Variants in UBE2L3 observed in about 807,000 individuals in gnomAD.
UBE2L3 encodes the protein ubiquitin-conjugating enzyme E2 L3.
In UBE2L3, 1 loss-of-function variant was observed where a neutral mutation model predicts 17.8. The ratio of observed to expected loss-of-function variants is 0.06; its 90% confidence interval spans 0.02 to 0.27. The LOEUF (loss-of-function observed/expected upper bound fraction) is 0.27, where lower values mean the gene tolerates loss of function less well. Among genes scored for constraint, UBE2L3 ranks in the 10% least tolerant of loss-of-function variants. The pLI is 1.00. For synonymous variants in UBE2L3, 44 were observed against 68.5 expected (o/e 0.64, Z 1.76); for missense variants, 40 against 192.6 (o/e 0.21, Z 4.69).
intron 3 of UBE2L3, among the ~76,000 whole-genome samples, chr22:21,619,505 C>T (rs1359217376): frequency 6.6e-6 from 1 of 152,198 alleles, no homozygotes; most frequent in African/African-American, 2.4e-5. Flanking sequence ...CCCACTGCTT[C>T]ACCTCTACCC....
chr22:21,565,971 CTT>C (rs527289152), upstream of UBE2L3, among the ~76,000 whole-genome samples: 15 of 122,640 alleles, frequency 1.2e-4, no homozygotes, highest in Admixed American at 1.9e-4. Flanking sequence ...CAGAGTACTC[CTT>C]TTTTTTTTTT....
chr22:21,592,816 T>G (rs747545331), intron 1 of UBE2L3, 45 bp from the exon 2 acceptor site: 1 of 1,456,854 alleles, frequency 6.9e-7, no homozygotes, highest in Admixed American at 1.7e-5. Flanking sequence ...TAATATGTGG[T>G]GCTTTCCCCT....
At chr22:21,618,689 G>A (rs1017558792) in intron 3 of UBE2L3, among the ~76,000 whole-genome samples, 1 of 152,078 alleles carries the variant, frequency 6.6e-6, no homozygotes, top group Non-Finnish European at 1.5e-5. Context: ...GTGGGCTCAA[G>A]CAATCATCCC....
At chr22:21,589,342 T>G (rs1035671915) in intron 1 of UBE2L3, among the ~76,000 whole-genome samples, 4 of 151,088 alleles carry the variant, frequency 2.6e-5, no homozygotes, top group African/African-American at 7.3e-5. Context: ...AGAGACGGGG[T>G]TTCACCATGT....
intron 3 of UBE2L3, among the ~76,000 whole-genome samples, chr22:21,617,467 A>G (rs1416888995): frequency 6.6e-6 from 1 of 152,188 alleles, no homozygotes; most frequent in South Asian, 2.1e-4. Flanking sequence ...AGGTTTCACC[A>G]TATTGCCCAG....
At chr22:21,586,875 CTTTTT>C (rs34463645) in intron 1 of UBE2L3, among the ~76,000 whole-genome samples, 1,346 of 118,914 alleles carry the variant, frequency 0.011, 26 homozygotes, top group African/African-American at 0.04. Context: ...TGTGCCCGGC[CTTTTT>C]TTTTTTTTTT....
chr22:21,581,390 A>C (rs1404387097), intron 1 of UBE2L3, among the ~76,000 whole-genome samples: 2 of 151,972 alleles, frequency 1.3e-5, no homozygotes, highest in South Asian at 4.2e-4. Flanking sequence ...GGATCTTGCT[A>C]TGTTGCCTAG....
At chr22:21,596,087 G>C (rs982227678) in intron 2 of UBE2L3, among the ~76,000 whole-genome samples, 1 of 152,022 alleles carries the variant, frequency 6.6e-6, no homozygotes, top group African/African-American at 2.4e-5. Flanking sequence ...GATGGTCTCA[G>C]TCTCTTGACC....
chr22:21,585,763 G>C (rs1007683138), intron 1 of UBE2L3, among the ~76,000 whole-genome samples: 3 of 152,118 alleles, frequency 2.0e-5, no homozygotes, highest in African/African-American at 7.2e-5. Context: ...ATAGAGGGGG[G>C]AAGTCACCAG....
At chr22:21,580,820 T>C (rs1383579097) in intron 1 of UBE2L3, among the ~76,000 whole-genome samples, 2 of 151,364 alleles carry the variant, frequency 1.3e-5, no homozygotes, top group African/African-American at 4.9e-5. Flanking sequence ...CCTGACCTCA[T>C]ATGATCTGCC....
chr22:21,593,021 C>A, intron 2 of UBE2L3, 65 bp downstream of exon 2: 2 of 1,437,798 alleles, frequency 1.4e-6, no homozygotes, highest in Non-Finnish European at 9.8e-7. Flanking sequence ...TGCTGTTGGG[C>A]TTGTTTTTCT....
At chr22:21,619,298 G>C (rs1374907816) in intron 3 of UBE2L3, among the ~76,000 whole-genome samples, 1 of 152,150 alleles carries the variant, frequency 6.6e-6, no homozygotes, top group African/African-American at 2.4e-5. Context: ...AGAGGTACAG[G>C]TGGCTTGTAC....
intron 1 of UBE2L3, among the ~76,000 whole-genome samples, chr22:21,590,322 C>T (rs1218213399): frequency 6.6e-5 from 10 of 152,258 alleles, no homozygotes; most frequent in East Asian, 1.9e-4. Context: ...CTCAGCCTCC[C>T]GAGTAGCTGG....
At chr22:21,607,492 G>A (rs982949851) in intron 2 of UBE2L3, among the ~76,000 whole-genome samples, 1 of 150,200 alleles carries the variant, frequency 6.7e-6, no homozygotes, top group Non-Finnish European at 1.5e-5. Flanking sequence ...TCCAGCCTGG[G>A]CGACAGAGCG....
intron 2 of UBE2L3, among the ~76,000 whole-genome samples, chr22:21,603,303 G>A (rs1928961140): frequency 6.6e-6 from 1 of 151,972 alleles, no homozygotes; most frequent in Non-Finnish European, 1.5e-5. Context: ...CGAGGCAGGC[G>A]GATCACCTGA....
chr22:21,604,386 C>G lies in UBE2L3; in HGVS notation c.124-6471C>G, dbSNP rs566776440. 1.3e-4 allele frequency among the ~76,000 whole-genome samples: 20 copies of G among 152,262 alleles called. No homozygotes were observed. In the South Asian group the frequency reaches 4.1e-3, roughly 32 times the overall value. On this transcript the variant is annotated intron_variant, in intron 2 of 3. Coordinates refer to ENST00000342192, the MANE Select transcript of UBE2L3 (RefSeq NM_003347.4). ...TGGCAGCCTGCGCCTGTAATCCCAG[C>G]TACTTGGGAGGCTGAGAGACAGGAC... is the stretch of plus-strand genomic sequence containing the variant.
At chr22:21,604,045 G>A (rs991780183) in intron 2 of UBE2L3, among the ~76,000 whole-genome samples, 1 of 151,494 alleles carries the variant, frequency 6.6e-6, no homozygotes, top group Non-Finnish European at 1.5e-5. Context: ...CCAAAGTGCT[G>A]GAGTTTAAGT....
intron 3 of UBE2L3, among the ~76,000 whole-genome samples, chr22:21,613,274 A>G (rs1219356821): frequency 6.6e-6 from 1 of 152,138 alleles, no homozygotes; most frequent in African/African-American, 2.4e-5. Context: ...TTACCTTCCT[A>G]TCCAGGTGCA....
chr22:21,595,601 T>A (rs942334738), intron 2 of UBE2L3, among the ~76,000 whole-genome samples: 1 of 152,220 alleles, frequency 6.6e-6, no homozygotes, highest in Non-Finnish European at 1.5e-5. Flanking sequence ...GGGAGGTACT[T>A]CCTAGAGACT....
Sources: allele counts gnomAD v4.1 joint callset (sites outside exome capture counted in the v4.1 genomes callset), GRCh38; gene constraint gnomAD v4.1.1; transcripts MANE v1.5; gene names NCBI Gene and HGNC (gene_info 2026-07-23, HGNC 2026-07-21).